Variants in NKAIN3 observed in about 807,000 individuals in gnomAD.
NKAIN3 encodes sodium/potassium-transporting ATPase subunit beta-1-interacting protein 3.
NKAIN3 carries 25 observed loss-of-function variants against 30.2 expected under a neutral mutation model. The ratio of observed to expected loss-of-function variants is 0.83; its 90% CI spans 0.60 to 1.16. The LOEUF (loss-of-function observed/expected upper bound fraction) is 1.16, where lower values mean the gene tolerates loss of function less well. Among genes scored for constraint, NKAIN3 ranks in the 50% most tolerant of loss-of-function variants. NKAIN3 has a pLI of 0.00. For missense variants in NKAIN3, 225 were observed against 254.1 expected (o/e 0.89, Z 0.78); for synonymous variants, 91 against 89.6 (o/e 1.02, Z -0.09).
intron 1 of NKAIN3, among the ~76,000 whole-genome samples, chr8:62,422,535 T>C (rs1472802482): frequency 6.6e-6 from 1 of 152,186 alleles, no homozygotes; most frequent in Non-Finnish European, 1.5e-5. Flanking sequence ...ACACTGGTGA[T>C]GTAGAAGATC....
At chr8:62,603,824 G>A (rs1483513932) in intron 3 of NKAIN3, among the ~76,000 whole-genome samples, 1 of 152,096 alleles carries the variant, frequency 6.6e-6, no homozygotes, top group Non-Finnish European at 1.5e-5. Context: ...GCAAGGTAGA[G>A]AGAATTCTGA....
chr8:62,527,757 G>A (rs1001477467), intron 1 of NKAIN3, among the ~76,000 whole-genome samples: 1 of 152,058 alleles, frequency 6.6e-6, no homozygotes, highest in Non-Finnish European at 1.5e-5. Context: ...CATGCTTTAT[G>A]TACAAAACTG....
chr8:62,745,948 T>G (rs1021747455), intron 3 of NKAIN3, among the ~76,000 whole-genome samples: 2 of 152,206 alleles, frequency 1.3e-5, no homozygotes, highest in African/African-American at 4.8e-5. Flanking sequence ...ATGGACAAAT[T>G]AAATTACCTC....
chr8:62,737,448 G>A (rs1160010278), intron 3 of NKAIN3, among the ~76,000 whole-genome samples: 1 of 152,142 alleles, frequency 6.6e-6, no homozygotes, highest in Non-Finnish European at 1.5e-5. Context: ...CTGAAAAACT[G>A]TTGCCATGAC....
At chr8:62,765,565 T>C (rs1816811673) in intron 4 of NKAIN3, among the ~76,000 whole-genome samples, 1 of 152,204 alleles carries the variant, frequency 6.6e-6, no homozygotes, top group African/African-American at 2.4e-5. Context: ...TATATTTGTA[T>C]AGGAGCTAGG....
rs1284008845 is a variant in NKAIN3 at position 62,976,540 on chromosome 8, A to C, written c.*11133A>C. On this transcript the variant is annotated 3_prime_UTR_variant, in exon 7 of 7. Coordinates refer to ENST00000623646, the MANE Select transcript of NKAIN3 (RefSeq NM_001304533.3). ...TTTTTTGCTTTCCATTTGCCTGGTA[A>C]ATATCTCTCCATCCTTTTATTTTGA... is the stretch of plus-strand genomic sequence containing the variant. Among the ~76,000 whole-genome samples, 1 of 152,078 alleles carries C rather than the reference A, an allele frequency of 6.6e-6. No homozygotes were observed. The highest frequency in any genetic ancestry group is 1.5e-5 in the Non-Finnish European group (1 of 68,000).
intron 4 of NKAIN3, among the ~76,000 whole-genome samples, chr8:62,864,995 A>G (rs1257950860): frequency 6.6e-6 from 1 of 152,188 alleles, no homozygotes; most frequent in Non-Finnish European, 1.5e-5. Context: ...GGGGAAGACT[A>G]TTCCAGAGAC....
At chr8:62,656,702 TCTAGTCACAACCA>T (rs1458297247) in intron 3 of NKAIN3, among the ~76,000 whole-genome samples, 1 of 152,166 alleles carries the variant, frequency 6.6e-6, no homozygotes, top group African/African-American at 2.4e-5. Context: ...CTGTAAAATG[TCTAGTCACAACCA>T]CTCCCCTGGT....
At chr8:62,717,863 A>T (rs962888986) in intron 3 of NKAIN3, among the ~76,000 whole-genome samples, 2 of 152,180 alleles carry the variant, frequency 1.3e-5, no homozygotes, top group Admixed American at 6.6e-5. Context: ...TAGCGTCCTT[A>T]ACCATAGGTA....
chr8:62,747,799 C>T (rs532109344), intron 4 of NKAIN3, among the ~76,000 whole-genome samples: 6 of 152,108 alleles, frequency 3.9e-5, no homozygotes, highest in South Asian at 4.1e-4. Flanking sequence ...CTTTCAGACC[C>T]GAAAAGGACT....
intron 3 of NKAIN3, among the ~76,000 whole-genome samples, chr8:62,725,684 G>A (rs76356564): frequency 0.027 from 4,116 of 152,038 alleles, 88 homozygotes; most frequent in Non-Finnish European, 0.044. Flanking sequence ...TTATTTCTGG[G>A]TTCTTTATTT....
Position 62,248,993 on chromosome 8 carries a change from G to A in NKAIN3, c.-81G>A. On this transcript the variant is annotated 5_prime_UTR_variant, in exon 1 of 7. Transcript: ENST00000623646. The stretch of plus-strand genomic sequence containing the variant: ...AGGAGCCTGGGCCGGGCCGGGCGGG[G>A]ACTACTCCGGAGTCAGGAGGCAGCA... 5 of 1,316,384 alleles carry A rather than the reference G, an allele frequency of 3.8e-6. No homozygotes were observed. The highest frequency in any genetic ancestry group is 5.2e-6 in the Non-Finnish European group (5 of 956,908). 81.5% of individuals were successfully genotyped at this position (1,316,384 alleles called of 1,614,324 possible).
chr8:62,753,237 C>CACAT (rs1233624777), intron 4 of NKAIN3, among the ~76,000 whole-genome samples: 21 of 151,558 alleles, frequency 1.4e-4, no homozygotes, highest in African/African-American at 4.6e-4. Flanking sequence ...CACACACGCA[C>CACAT]GCACGCACAG....
At chr8:62,838,277 ATTATT>A (rs1235787314) in intron 4 of NKAIN3, among the ~76,000 whole-genome samples, 2 of 151,670 alleles carry the variant, frequency 1.3e-5, no homozygotes, top group Admixed American at 6.6e-5. Flanking sequence ...GCAAATTCTA[ATTATT>A]TTCATCATCA....
intron 1 of NKAIN3, among the ~76,000 whole-genome samples, chr8:62,465,020 A>G (rs766958678): frequency 2.0e-5 from 3 of 152,158 alleles, no homozygotes; most frequent in Non-Finnish European, 4.4e-5. Flanking sequence ...CCTATTTGGA[A>G]AACATTTTAA....
intron 1 of NKAIN3, among the ~76,000 whole-genome samples, chr8:62,329,018 A>G (rs1008883337): frequency 1.3e-5 from 2 of 152,018 alleles, no homozygotes; most frequent in African/African-American, 4.8e-5. Flanking sequence ...TCTCTGGGGA[A>G]TCCATGTCAT....
rs536055348 is a variant in NKAIN3 at position 62,401,786 on chromosome 8, CAG to C, written c.54+152662_54+152663del. Among the ~76,000 whole-genome samples, 59 of 152,298 alleles carry C rather than the reference CAG, an allele frequency of 3.9e-4. 1 individual carries two copies. Among genetic ancestry groups the C allele is most frequent in the Middle Eastern group, 6.8e-3 (2 of 294 alleles). The stretch of plus-strand genomic sequence containing the variant: ...TTCCCATTACTTTCTCCCAAATAAA[CAG>C]AGTCTTTCTGTCTGAACTGAGCTTC... On this transcript the variant is annotated intron_variant, in intron 1 of 6. Transcript: ENST00000623646.
intron 1 of NKAIN3, among the ~76,000 whole-genome samples, chr8:62,532,632 G>A (rs1035125112): frequency 3.9e-5 from 6 of 152,174 alleles, no homozygotes; most frequent in East Asian, 1.9e-4. Flanking sequence ...GATGAACACC[G>A]TATTGAGCAC....
chr8:62,918,254 G>A (rs1387644079), intron 4 of NKAIN3, among the ~76,000 whole-genome samples, 199 bp from the exon 5 acceptor site: 1 of 152,148 alleles, frequency 6.6e-6, no homozygotes, highest in Admixed American at 6.5e-5. Flanking sequence ...CCATTTCTGT[G>A]TACTTTTTAG....
Sources: gnomAD v4.1 joint callset for allele counts (sites outside exome capture counted in the v4.1 genomes callset) on GRCh38, gnomAD v4.1.1 for gene constraint, MANE v1.5 for transcripts, NCBI Gene and HGNC (gene_info 2026-07-23, HGNC 2026-07-21) for gene names.